The following KATNIP variants were observed in gnomAD, a reference collection of about 807,000 sequenced individuals.
The protein encoded by KATNIP is katanin interacting protein, also known as katanin-interacting protein.
A neutral mutation model predicts 174.0 loss-of-function variants in KATNIP; 126 were observed. The observed-to-expected ratio is 0.72, with a 90% CI of 0.63 to 0.84. The LOEUF (loss-of-function observed/expected upper bound fraction) is 0.84, where lower values mean the gene tolerates loss of function less well. KATNIP is among the 40% of genes least tolerant of loss of function. The pLI, the probability that KATNIP is intolerant of heterozygous loss-of-function variation, is 0.00. For missense variants in KATNIP, 1,958 were observed against 2,109.7 expected (o/e 0.93, Z 1.41); for synonymous variants, 810 against 835.7 (o/e 0.97, Z 0.53).
chr16:27,659,122 T>A (rs747946783), intron 6 of KATNIP, among the ~76,000 whole-genome samples: 1 of 152,152 alleles, frequency 6.6e-6, no homozygotes, highest in Non-Finnish European at 1.5e-5. Context: ...AAGACTGAAT[T>A]ATGTTCAGCA....
chr16:27,764,199 G>A (rs2082051381), intron 19 of KATNIP, among the ~76,000 whole-genome samples: 1 of 152,168 alleles, frequency 6.6e-6, no homozygotes, highest in Non-Finnish European at 1.5e-5. Context: ...AAATTCAGAT[G>A]GGAAAGGCAG....
chr16:27,578,238 C>T (rs2090570386), intron 2 of KATNIP, among the ~76,000 whole-genome samples: 3 of 152,136 alleles, frequency 2.0e-5, no homozygotes, highest in Non-Finnish European at 4.4e-5. Context: ...GAGGCCGAGG[C>T]AGGAGAATCT....
chr16:27,601,340 C>A (rs1231387866), intron 2 of KATNIP, among the ~76,000 whole-genome samples: 2 of 152,130 alleles, frequency 1.3e-5, no homozygotes, highest in Non-Finnish European at 2.9e-5. Context: ...GGTGAGGAGG[C>A]AGACAGGGAC....
chr16:27,550,215 T>C, intron 1 of KATNIP, 38 bp downstream of exon 1: 2 of 1,600,548 alleles, frequency 1.2e-6, no homozygotes, highest in Non-Finnish European at 1.7e-6. Context: ...GTCGGGCTGT[T>C]ATTCTCCCAT....
intron 14 of KATNIP, among the ~76,000 whole-genome samples, chr16:27,736,769 A>G (rs2080911801): frequency 6.6e-6 from 1 of 152,082 alleles, no homozygotes; most frequent in East Asian, 1.9e-4. Flanking sequence ...AAAAAGACTC[A>G]CTGCTGTGTG....
chr16:27,777,688 T>C lies in KATNIP; in HGVS notation c.4630T>C (p.Cys1544Arg), dbSNP rs1324361396. ...CCTGGTGGGGGGCATCCTGCCCACA[T>C]GTGAGCCCACCGTGCCCTACCACAC... ...SHLVGGILPT[C>R]EPTVPYHTIL... The change falls in exon 26 of 28, where the codon TGT becomes CGT. Residue 1544 changes from cysteine to arginine, a missense_variant. Physicochemically the swap from Cys to Arg is radical, Grantham distance 180 (BLOSUM62 -3). This residue lies in a region of KATNIP where 383 missense variants were observed against 456.0 expected (regional missense o/e 0.84). Coordinates refer to ENST00000261588, the MANE Select transcript of KATNIP (RefSeq NM_015202.5). The surrounding 1 kb of genome is among the most constrained non-coding windows in gnomAD (Gnocchi z 4.4). 1.2e-6 allele frequency: 2 copies of C among 1,614,034 alleles called. No individual in the cohort carries two copies. The highest frequency in any genetic ancestry group is 2.2e-5 in the East Asian group (1 of 44,858).
At chr16:27,685,000 G>T (rs1311005698) in intron 8 of KATNIP, among the ~76,000 whole-genome samples, 2 of 152,178 alleles carry the variant, frequency 1.3e-5, no homozygotes, top group African/African-American at 4.8e-5. Context: ...TTGAGAAATA[G>T]AGCTTAATTA....
At chr16:27,731,123 C>G (rs2143262191) in intron 14 of KATNIP, among the ~76,000 whole-genome samples, 1 of 152,230 alleles carries the variant, frequency 6.6e-6, no homozygotes, top group South Asian at 2.1e-4. Flanking sequence ...GGCCAGGACC[C>G]CCCCGTCCCC....
At chr16:27,614,553 C>T (rs2075987814) in intron 2 of KATNIP, among the ~76,000 whole-genome samples, 2 of 152,206 alleles carry the variant, frequency 1.3e-5, no homozygotes, top group East Asian at 1.9e-4. Flanking sequence ...AAGCAGTCCT[C>T]CTGCATCAGC....
chr16:27,669,046 T>G (rs772145847), intron 6 of KATNIP, among the ~76,000 whole-genome samples: 5 of 152,132 alleles, frequency 3.3e-5, no homozygotes, highest in Non-Finnish European at 7.4e-5. Flanking sequence ...GGTACATAGA[T>G]AAGTCAGCTT....
At chr16:27,683,421 C>T (rs1597161997) in intron 8 of KATNIP, among the ~76,000 whole-genome samples, 1 of 152,290 alleles carries the variant, frequency 6.6e-6, no homozygotes, top group East Asian at 1.9e-4. Flanking sequence ...GCAGAGCTAT[C>T]CCCAAACTGG....
At chr16:27,665,830 G>T (rs1019510479) in intron 6 of KATNIP, among the ~76,000 whole-genome samples, 4 of 151,478 alleles carry the variant, frequency 2.6e-5, no homozygotes, top group Non-Finnish European at 4.4e-5. Flanking sequence ...TGAACTGCTG[G>T]CCTCAGGTGA....
chr16:27,597,579 C>T (rs146074187), intron 2 of KATNIP, among the ~76,000 whole-genome samples: 5 of 152,078 alleles, frequency 3.3e-5, no homozygotes, highest in African/African-American at 1.2e-4. Context: ...ATCGGATTCC[C>T]TGGTATTCAG....
At chr16:27,741,523 A>G (rs2143581709) in intron 15 of KATNIP, among the ~76,000 whole-genome samples, 1 of 152,302 alleles carries the variant, frequency 6.6e-6, no homozygotes, top group South Asian at 2.1e-4. Context: ...GGCACAGGGA[A>G]TAGTGAGGAC....
intron 6 of KATNIP, among the ~76,000 whole-genome samples, chr16:27,672,492 G>A (rs898346082): frequency 6.6e-6 from 1 of 152,142 alleles, no homozygotes; most frequent in Non-Finnish European, 1.5e-5. Flanking sequence ...CTCCTATAAG[G>A]CCAGAGGTTT....
chr16:27,601,667 G>A (rs2075531070), intron 2 of KATNIP, among the ~76,000 whole-genome samples: 1 of 152,202 alleles, frequency 6.6e-6, no homozygotes, highest in Non-Finnish European at 1.5e-5. Flanking sequence ...TTAGGATGAA[G>A]GTGGAAATGA....
chr16:27,580,996 G>T (rs1445874902), intron 2 of KATNIP, among the ~76,000 whole-genome samples: 1 of 152,126 alleles, frequency 6.6e-6, no homozygotes, highest in Non-Finnish European at 1.5e-5. Flanking sequence ...GGATGCTGAG[G>T]TGGGTGGCTC....
At chr16:27,600,719 A>G (rs1223550069) in intron 2 of KATNIP, among the ~76,000 whole-genome samples, 1 of 146,344 alleles carries the variant, frequency 6.8e-6, no homozygotes, top group African/African-American at 2.5e-5. Context: ...CCCTTGTGGC[A>G]CAGCTGCCTC....
chr16:27,570,845 A>T (rs1479430030), intron 1 of KATNIP, among the ~76,000 whole-genome samples: 1 of 152,186 alleles, frequency 6.6e-6, no homozygotes, highest in Non-Finnish European at 1.5e-5. Context: ...ATACAGTTAG[A>T]GAAATGTGAA....
Sources: allele counts gnomAD v4.1 joint callset (sites outside exome capture counted in the v4.1 genomes callset), GRCh38; gene constraint gnomAD v4.1.1; regional missense constraint gnomAD v4.1.1; non-coding constraint Gnocchi (gnomAD v3.1); transcripts MANE v1.5; gene names NCBI Gene and HGNC (gene_info 2026-07-23, HGNC 2026-07-21).